ANGPT1: variants seen among roughly 807,000 people sequenced by gnomAD.
ANGPT1 encodes angiopoietin-1.
A neutral mutation model predicts 62.2 loss-of-function variants in ANGPT1; 17 were observed. The observed-to-expected ratio is 0.27, with a 90% CI of 0.19 to 0.41. ANGPT1 has a LOEUF of 0.41. Ranked by LOEUF, ANGPT1 falls within the 10% of genes least tolerant of loss-of-function variation. The probability of loss-of-function intolerance (pLI) is 1.00; values close to 1 mark genes in which losing one functional copy is unlikely to be tolerated. For synonymous variants in ANGPT1, 199 were observed against 198.9 expected (o/e 1.00, Z 0.00); for missense variants, 478 against 594.9 (o/e 0.80, Z 2.04).
intron 7 of ANGPT1, among the ~76,000 whole-genome samples, chr8:107,266,505 G>A (rs377447950): frequency 2.0e-5 from 3 of 152,308 alleles, no homozygotes; most frequent in African/African-American, 7.2e-5. Context: ...AGAATTGAGA[G>A]AATAAGTGAA....
At chr8:107,462,398 CA>C (rs1238185117) in intron 1 of ANGPT1, among the ~76,000 whole-genome samples, 2,084 of 124,382 alleles carry the variant, frequency 0.017, 26 homozygotes, top group African/African-American at 0.033. Flanking sequence ...TTCAGCCATG[CA>C]AAAAAAAAAA....
intron 4 of ANGPT1, among the ~76,000 whole-genome samples, chr8:107,310,282 T>C (rs2130006840): frequency 6.6e-6 from 1 of 152,322 alleles, no homozygotes; most frequent in East Asian, 1.9e-4. Flanking sequence ...TATCAATATA[T>C]TGCTTTACAT....
chr8:107,450,725 T>TGTGTGG (rs1554595542), intron 1 of ANGPT1, among the ~76,000 whole-genome samples: 2 of 151,086 alleles, frequency 1.3e-5, no homozygotes, highest in African/African-American at 2.4e-5. Flanking sequence ...TGTGTGTGTG[T>TGTGTGG]GTGTGCATGT....
chr8:107,415,042 G>T (rs867575166), intron 1 of ANGPT1, among the ~76,000 whole-genome samples: 2 of 152,124 alleles, frequency 1.3e-5, no homozygotes, highest in Non-Finnish European at 1.5e-5. Context: ...GCTGAACTAG[G>T]TAGGTGGTTG....
chr8:107,262,270 T>C (rs1394489240), intron 8 of ANGPT1, among the ~76,000 whole-genome samples: 1 of 152,210 alleles, frequency 6.6e-6, no homozygotes, highest in Non-Finnish European at 1.5e-5. Context: ...GAAGATAACA[T>C]CAACCTAATG....
At chr8:107,365,953 A>C (rs1408855397) in intron 1 of ANGPT1, among the ~76,000 whole-genome samples, 1 of 152,094 alleles carries the variant, frequency 6.6e-6, no homozygotes, top group African/African-American at 2.4e-5. Context: ...ATCCAATTAC[A>C]CAGTAAACAC....
intron 7 of ANGPT1, among the ~76,000 whole-genome samples, chr8:107,282,360 A>G (rs1814028748): frequency 6.6e-6 from 1 of 151,394 alleles, no homozygotes; most frequent in Non-Finnish European, 1.5e-5. Flanking sequence ...GGCAGGAGTT[A>G]GACATCCCTT....
chr8:107,389,094 A>G (rs1225766236), intron 1 of ANGPT1, among the ~76,000 whole-genome samples: 1 of 152,192 alleles, frequency 6.6e-6, no homozygotes, highest in Non-Finnish European at 1.5e-5. Context: ...ATGATGACCC[A>G]GTACTAATAT....
At chr8:107,449,397 CAT>C (rs1168350326) in intron 1 of ANGPT1, among the ~76,000 whole-genome samples, 1 of 78,192 alleles carries the variant, frequency 1.3e-5, no homozygotes, top group Non-Finnish European at 2.6e-5. Context: ...CACACACACA[CAT>C]GCACACACAC....
At chr8:107,274,315 G>A (rs1813808923) in intron 7 of ANGPT1, among the ~76,000 whole-genome samples, 1 of 152,124 alleles carries the variant, frequency 6.6e-6, no homozygotes, top group African/African-American at 2.4e-5. Flanking sequence ...ATGGTGGTTG[G>A]CTGGCTGGAT....
intron 4 of ANGPT1, among the ~76,000 whole-genome samples, chr8:107,306,963 G>A (rs1814733832): frequency 6.6e-6 from 1 of 152,024 alleles, no homozygotes; most frequent in African/African-American, 2.4e-5. Flanking sequence ...GATGTCAGGG[G>A]GAACCTTCCG....
At chr8:107,404,545 A>G (rs985098788) in intron 1 of ANGPT1, among the ~76,000 whole-genome samples, 4 of 151,942 alleles carry the variant, frequency 2.6e-5, no homozygotes, top group African/African-American at 4.8e-5. Flanking sequence ...TTACATGTAG[A>G]TCTCTCTCAA....
rs372801446 is a variant in ANGPT1 at position 107,312,059 on chromosome 8, G to A, written c.809-8692C>T. ...AGCCTGGGCGACAGAGCGAGACTCCGTTTCAAAAAAAAAAAAAAAAAAAGA... is the reference window on the plus strand; with the variant it reads ...AGCCTGGGCGACAGAGCGAGACTCCATTTCAAAAAAAAAAAAAAAAAAAGA... On this transcript the variant is annotated intron_variant, in intron 4 of 8. Transcript: ENST00000517746. Among the ~76,000 whole-genome samples, 38 of 119,206 alleles carry A rather than the reference G, an allele frequency of 3.2e-4. No individual in the cohort carries two copies. The East Asian group carries it at 8.0e-3, about 25-fold the overall frequency. The allele number at this position is 119,206 out of a possible 152,430, so 78.2% of individuals were successfully genotyped here.
At chr8:107,275,709 A>G (rs923585229) in intron 7 of ANGPT1, among the ~76,000 whole-genome samples, 1 of 152,184 alleles carries the variant, frequency 6.6e-6, no homozygotes, top group African/African-American at 2.4e-5. Flanking sequence ...TGATGGATGC[A>G]TAACAAATAT....
At chr8:107,252,123 GT>G in intron 8 of ANGPT1, 108 bp from the exon 9 acceptor site, 1 of 1,197,252 alleles carries the variant, frequency 8.4e-7, no homozygotes, top group Non-Finnish European at 1.2e-6. Context: ...GCTTGTTCTT[GT>G]TATGCTTATT....
At chr8:107,343,584 A>G (rs1262297394) in intron 2 of ANGPT1, among the ~76,000 whole-genome samples, 7 of 152,210 alleles carry the variant, frequency 4.6e-5, no homozygotes, top group Non-Finnish European at 2.9e-5. Flanking sequence ...TACTTCCGCA[A>G]GTAGGAGATT....
chr8:107,355,806 A>T (rs1354803230), intron 1 of ANGPT1, among the ~76,000 whole-genome samples: 1 of 151,958 alleles, frequency 6.6e-6, no homozygotes. Context: ...TCTGTTTTTC[A>T]TAATAGCCTT....
intron 2 of ANGPT1, among the ~76,000 whole-genome samples, chr8:107,336,995 C>A (rs907431833): frequency 1.7e-4 from 26 of 152,172 alleles, no homozygotes; most frequent in African/African-American, 5.8e-4. Context: ...GTGCAAAATT[C>A]TCTTGACATA....
At chr8:107,490,820 G>A (rs532776455) in intron 1 of ANGPT1, among the ~76,000 whole-genome samples, 65 of 152,216 alleles carry the variant, frequency 4.3e-4, no homozygotes, top group South Asian at 2.3e-3. Context: ...ACAAATGCAC[G>A]GACAACATAT....
Sources: gnomAD v4.1 joint callset for allele counts (sites outside exome capture counted in the v4.1 genomes callset) on GRCh38, gnomAD v4.1.1 for gene constraint, MANE v1.5 for transcripts, NCBI Gene and HGNC (gene_info 2026-07-23, HGNC 2026-07-21) for gene names.